The following APLP2 variants were observed in gnomAD, a reference collection of about 807,000 sequenced individuals.
APLP2 encodes amyloid beta precursor like protein 2.
In APLP2, 53 loss-of-function variants were observed where a neutral mutation model predicts 89.9. The observed-to-expected ratio is 0.59, with a 90% CI of 0.47 to 0.74. The LOEUF is 0.74. APLP2 is among the 30% of genes least tolerant of loss of function. The pLI, the probability that APLP2 is intolerant of heterozygous loss-of-function variation, is 0.00. For missense variants in APLP2, 973 were observed against 975.9 expected (o/e 1.00, Z 0.04); for synonymous variants, 372 against 348.6 (o/e 1.07, Z -0.75).
Position 130,141,823 on chromosome 11 carries a change from C to A in APLP2, c.1999-96C>A. ...TTGGTGCTACTTTGGGTTTTAGGGG[C>A]TCGACCTTCCAGGAGCGTGGCCCTC... On this transcript the variant is annotated intron_variant, in intron 15 of 16. Coordinates refer to ENST00000338167, the MANE Select transcript of APLP2 (RefSeq NM_001142276.2). The surrounding 1 kb of genome is among the most constrained non-coding windows in gnomAD (Gnocchi z 4.2). 6.8e-7 allele frequency: 1 copy of A among 1,465,698 alleles called. No individual in the cohort carries two copies. Among genetic ancestry groups the A allele is most frequent in the Non-Finnish European group, 9.2e-7 (1 of 1,081,764 alleles). 90.8% of individuals were successfully genotyped at this position (1,465,698 alleles called of 1,614,324 possible).
intron 3 of APLP2, among the ~76,000 whole-genome samples, chr11:130,112,412 A>G (rs952212431): frequency 3.9e-5 from 6 of 152,358 alleles, no homozygotes; most frequent in African/African-American, 1.4e-4. Context: ...GGAGATGTGC[A>G]GGGCCCACTG....
intron 1 of APLP2, among the ~76,000 whole-genome samples, chr11:130,078,861 A>G (rs1218176139): frequency 6.6e-6 from 1 of 151,902 alleles, no homozygotes; most frequent in East Asian, 1.9e-4. Context: ...ATTATTATAT[A>G]ATAAGATTTT....
chr11:130,141,567 G>A lies in APLP2; in HGVS notation c.1993G>A (p.Glu665Lys). 1 of 1,613,918 alleles carries A rather than the reference G, an allele frequency of 6.2e-7. No homozygotes were observed. Among genetic ancestry groups the A allele is most frequent in the Non-Finnish European group, 8.5e-7 (1 of 1,179,870 alleles). The change falls in exon 15 of 17, where the codon GAG becomes AAG. Residue 665 changes from glutamate to lysine, a missense_variant. Glu to Lys is a moderately conservative substitution (Grantham distance 56). Coordinates refer to ENST00000338167, the MANE Select transcript of APLP2 (RefSeq NM_001142276.2). This position sits in a 1 kb window ranked among gnomAD's most constrained non-coding sequence, Gnocchi z 4.2. ...NAERVGGLEEERESVGPLRED... is the reference protein window; with the variant it reads ...NAERVGGLEEKRESVGPLRED... Reference sequence around the variant, plus strand: ...CGAGAGAGTTGGAGGCCTCGAGGAAGAGCGGGTACGTGTTTAGCTCCAGAA... The same window carrying A: ...CGAGAGAGTTGGAGGCCTCGAGGAAAAGCGGGTACGTGTTTAGCTCCAGAA...
chr11:130,106,070 G>A (rs1421314470), intron 1 of APLP2, among the ~76,000 whole-genome samples: 1 of 152,190 alleles, frequency 6.6e-6, no homozygotes, highest in Non-Finnish European at 1.5e-5. Context: ...CTCAGCTATA[G>A]CTTCTGAGCT....
intron 13 of APLP2, chr11:130,139,562 C>T (rs57945226): frequency 6.6e-6 from 1 of 152,202 alleles, no homozygotes. Context: ...CGTTCCCTCC[C>T]TGGGCCTGTG....
chr11:130,116,582 T>C (rs1949198921), intron 3 of APLP2, among the ~76,000 whole-genome samples: 1 of 152,080 alleles, frequency 6.6e-6, no homozygotes, highest in Non-Finnish European at 1.5e-5. Flanking sequence ...GTCCTGCGTG[T>C]CCCCCTTTCC....
At chr11:130,096,106 C>A (rs1028115872) in intron 1 of APLP2, among the ~76,000 whole-genome samples, 2 of 152,190 alleles carry the variant, frequency 1.3e-5, no homozygotes, top group Non-Finnish European at 2.9e-5. Flanking sequence ...GTGAGACCAC[C>A]ACACTTGCTT....
At position 130,141,434 on chromosome 11, in the gene APLP2, C is replaced by A; in HGVS notation, c.1924-64C>A. On this transcript the variant is annotated intron_variant, in intron 14 of 16. Transcript: ENST00000338167. This position sits in a 1 kb window ranked among gnomAD's most constrained non-coding sequence, Gnocchi z 4.2. ...AGCAGCAGGTAGCAGAGGAAGGAGGCAGTAAATACCAAACTCCCCGTTCAC... is the reference window on the plus strand; with the variant it reads ...AGCAGCAGGTAGCAGAGGAAGGAGGAAGTAAATACCAAACTCCCCGTTCAC... The A allele has an allele frequency of 2.3e-6, 3 of 1,318,080 alleles. No individual in the cohort carries two copies. The highest frequency in any genetic ancestry group is 3.3e-6 in the Non-Finnish European group (3 of 913,034). The allele number at this position is 1,318,080 out of a possible 1,614,324, so 81.6% of individuals were successfully genotyped here.
intron 1 of APLP2, among the ~76,000 whole-genome samples, chr11:130,097,913 T>C (rs2135639274): frequency 6.6e-6 from 1 of 152,308 alleles, no homozygotes; most frequent in South Asian, 2.1e-4. Flanking sequence ...AGGACAGTTA[T>C]TCTTCAGCAA....
At chr11:130,091,357 G>A (rs878894168) in intron 1 of APLP2, among the ~76,000 whole-genome samples, 74 of 146,012 alleles carry the variant, frequency 5.1e-4, no homozygotes, top group Admixed American at 2.5e-3. Flanking sequence ...GCGGCTGGCC[G>A]GGCGGGGGGC....
At chr11:130,081,153 G>GT (rs1342350142) in intron 1 of APLP2, among the ~76,000 whole-genome samples, 1 of 151,862 alleles carries the variant, frequency 6.6e-6, no homozygotes, top group Admixed American at 6.6e-5. Flanking sequence ...TGTATAACCC[G>GT]TTTTTTCCTT....
intron 3 of APLP2, among the ~76,000 whole-genome samples, chr11:130,113,095 A>G (rs1008533588): frequency 2.0e-5 from 3 of 152,128 alleles, no homozygotes; most frequent in Non-Finnish European, 4.4e-5. Flanking sequence ...CTGTACCATG[A>G]TTGTTCATAG....
intron 3 of APLP2, among the ~76,000 whole-genome samples, chr11:130,113,971 T>C (rs1441107006): frequency 2.0e-5 from 3 of 152,194 alleles, no homozygotes; most frequent in Non-Finnish European, 4.4e-5. Context: ...GTTTGTTGTT[T>C]TTTGAATCAT....
chr11:130,090,756 C>G (rs1182001437), intron 1 of APLP2, among the ~76,000 whole-genome samples: 3 of 152,254 alleles, frequency 2.0e-5, no homozygotes, highest in African/African-American at 7.2e-5. Context: ...GTCATCCTGG[C>G]CCGCTCTCAA....
chr11:130,126,628 T>C, intron 7 of APLP2, 72 bp from the exon 8 acceptor site: 1 of 1,580,446 alleles, frequency 6.3e-7, no homozygotes, highest in South Asian at 1.1e-5. Flanking sequence ...CTGCAGGTCC[T>C]GAGCTGGGTT....
At position 130,123,311 on chromosome 11, in the gene APLP2, A is replaced by G. The variant is rs983575245; in HGVS notation, c.923-301A>G. On this transcript the variant is annotated intron_variant, in intron 6 of 16. Coordinates refer to ENST00000338167, the MANE Select transcript of APLP2 (RefSeq NM_001142276.2). The surrounding 1 kb of genome is among the most constrained non-coding windows in gnomAD (Gnocchi z 4.0). ...GATACCTCCACTGAACAGATCAGAA[A>G]TGTGAGGCTCTCGCAGCTGTGAGAC... Among the ~76,000 whole-genome samples the G allele has an allele frequency of 6.6e-6, 1 of 152,240 alleles. No individual in the cohort carries two copies. The highest frequency in any genetic ancestry group is 2.4e-5 in the African/African-American group (1 of 41,470).
At chr11:130,074,524 T>C (rs898733922) in intron 1 of APLP2, among the ~76,000 whole-genome samples, 2 of 152,218 alleles carry the variant, frequency 1.3e-5, no homozygotes, top group African/African-American at 4.8e-5. Flanking sequence ...CCTTTCAAGA[T>C]TGTTTAATTC....
chr11:130,091,784 C>T (rs1945295142), intron 1 of APLP2, among the ~76,000 whole-genome samples: 1 of 150,392 alleles, frequency 6.6e-6, no homozygotes, highest in African/African-American at 2.5e-5. Flanking sequence ...CCCCCCACCT[C>T]CCTCCCGGAT....
chr11:130,130,006 C>A, intron 10 of APLP2, 32 bp from the exon 11 acceptor site: 1 of 1,608,766 alleles, frequency 6.2e-7, no homozygotes, highest in Non-Finnish European at 8.5e-7. Context: ...TCTCTAGTCT[C>A]TGGATATTAA....
Sources: gnomAD v4.1 joint callset for allele counts (sites outside exome capture counted in the v4.1 genomes callset) on GRCh38, gnomAD v4.1.1 for gene constraint, Gnocchi (gnomAD v3.1) non-coding constraint, MANE v1.5 for transcripts, NCBI Gene and HGNC (gene_info 2026-07-23, HGNC 2026-07-21) for gene names.